MAP4K1: variants seen among roughly 807,000 people sequenced by gnomAD.
MAP4K1 encodes MAPK/ERK kinase kinase kinase 1.
In MAP4K1, 35 loss-of-function variants were observed where a neutral mutation model predicts 122.8. That is an observed-to-expected ratio of 0.29 (90% CI 0.22 to 0.38). The LOEUF is 0.38. Among genes scored for constraint, MAP4K1 ranks in the 10% least tolerant of loss-of-function variants. The pLI is 1.00. For missense variants in MAP4K1, 791 were observed against 1,072.6 expected, an observed-to-expected ratio of 0.74 and a Z score of 3.67; for synonymous variants, 412 against 421.3, an observed-to-expected ratio of 0.98 and a Z score of 0.27.
At chr19:38,600,279 A>C in intron 20 of MAP4K1, 126 bp from the exon 21 acceptor site, 1 of 753,866 alleles carries the variant, frequency 1.3e-6, no homozygotes, top group Non-Finnish European at 2.2e-6. Context: ...TCTCCAAACC[A>C]ATACTCCCAG....
chr19:38,596,009 G>T lies in MAP4K1; in HGVS notation c.2117-8C>A, dbSNP rs1172240981. 6 of 1,613,636 alleles carry T rather than the reference G, an allele frequency of 3.7e-6. No homozygotes were observed. The highest frequency in any genetic ancestry group is 3.3e-5 in the South Asian group (3 of 91,070). On this transcript the variant is annotated splice_region_variant and splice_polypyrimidine_tract_variant and intron_variant, in intron 26 of 30. Coordinates refer to ENST00000396857, the MANE Select transcript of MAP4K1 (RefSeq NM_001042600.3). Reference sequence around the variant, plus strand: ...GCACGGGTCCCCTGTGCTCTGTTTGGGGGGAGTGGGTTAAGGATTGACCCC... The same window carrying T: ...GCACGGGTCCCCTGTGCTCTGTTTGTGGGGAGTGGGTTAAGGATTGACCCC...
chr19:38,598,693 T>C (rs557686883), intron 22 of MAP4K1, among the ~76,000 whole-genome samples: 27 of 152,248 alleles, frequency 1.8e-4, no homozygotes, highest in African/African-American at 5.1e-4. Flanking sequence ...AAGTTCTGAT[T>C]GTCATCTGAA....
Position 38,605,685 on chromosome 19 carries a change from C to G in MAP4K1, c.1246G>C (p.Asp416His), listed in dbSNP as rs748934050. 6 of 1,606,924 alleles carry G rather than the reference C, an allele frequency of 3.7e-6. No individual in the cohort carries two copies. In the South Asian group the frequency reaches 6.6e-5, roughly 18 times the overall value. ...PSDEGPGSMG[D>H]DGQLSPGVLV... ...ACCCCCGGGCTCAGCTGCCCATCAT[C>G]CCCCATGCTCCCAGGACCCTCGTCT... Residue 416 changes from aspartate (D) to histidine (H), a missense_variant, in exon 18 of 31, where the codon GAT becomes CAT. Around this residue, in one of 4 missense-constraint regions of MAP4K1, gnomAD observed 303 missense variants for 344.8 expected, o/e 0.88. Transcript: ENST00000396857.
intron 22 of MAP4K1, among the ~76,000 whole-genome samples, chr19:38,598,167 A>T (rs1234712102): frequency 2.0e-5 from 3 of 151,648 alleles, no homozygotes; most frequent in African/African-American, 7.3e-5. Context: ...AGTAGCTGGG[A>T]GTAGAGGTAT....
At chr19:38,612,950 G>T (rs184903459) in intron 8 of MAP4K1, among the ~76,000 whole-genome samples, 104 of 152,258 alleles carry the variant, frequency 6.8e-4, no homozygotes, top group African/African-American at 2.4e-3. Flanking sequence ...CCAGCACTTT[G>T]GGAGGCTGAG....
At chr19:38,605,780 G>A in intron 17 of MAP4K1, 50 bp from the exon 18 acceptor site, 1 of 1,559,528 alleles carries the variant, frequency 6.4e-7, no homozygotes. Flanking sequence ...TGATCTCAGA[G>A]AGGGCACCCT....
At position 38,587,804 on chromosome 19, in the gene MAP4K1, C is replaced by T; in HGVS notation, c.2410G>A (p.Glu804Lys). ...LLGSPRPVVV[E>K]TRPVDDPTAP... ...GTAGGATCATCCACTGGGCGTGTCT[C>T]CACCACTACAGGCCTGTGGAAGGAA... The change falls in exon 31 of 31, where the codon GAG becomes AAG. Residue 804 changes from glutamate to lysine, a missense_variant. Physicochemically the swap from Glu to Lys is moderately conservative, Grantham distance 56 (BLOSUM62 1). Around this residue, in one of 4 missense-constraint regions of MAP4K1, gnomAD observed 267 missense variants for 323.0 expected, o/e 0.83. Transcript: ENST00000396857. 1 of 1,613,758 alleles carries T rather than the reference C, an allele frequency of 6.2e-7. No homozygotes were observed. The highest frequency in any genetic ancestry group is 8.5e-7 in the Non-Finnish European group (1 of 1,179,672).
intron 30 of MAP4K1, among the ~76,000 whole-genome samples, chr19:38,589,004 G>A (rs1239810056): frequency 6.6e-6 from 1 of 152,058 alleles, no homozygotes; most frequent in East Asian, 1.9e-4. Flanking sequence ...AAAGAAAGAA[G>A]AATGGAGAAG....
chr19:38,605,908 C>T (rs1337831233), intron 17 of MAP4K1, among the ~76,000 whole-genome samples, 178 bp from the exon 18 acceptor site: 1 of 151,566 alleles, frequency 6.6e-6, no homozygotes, highest in Non-Finnish European at 1.5e-5. Context: ...TGGACATCAA[C>T]ACACTTCAGA....
intron 11 of MAP4K1, among the ~76,000 whole-genome samples, chr19:38,610,804 G>T (rs1395809332): frequency 6.6e-6 from 1 of 152,088 alleles, no homozygotes; most frequent in Admixed American, 6.6e-5. Flanking sequence ...GATTCAAGAG[G>T]ACACTCAGGA....
rs762602686 is a variant in MAP4K1 at position 38,610,016 on chromosome 19, C to T, written c.820G>A (p.Val274Ile). ...CCTCGATTCAGCCCAGGCTGGGATA[C>T]CAGTTGATGCTGGCGGAGGGAAGAG... ...SATKMLSHQLVSQPGLNRGLI... is the reference protein window; with the variant it reads ...SATKMLSHQLISQPGLNRGLI... Residue 274 changes from valine to isoleucine, a missense_variant, in exon 12 of 31, where the codon GTA becomes ATA. Val to Ile is a conservative substitution (Grantham distance 29). Around this residue, in one of 4 missense-constraint regions of MAP4K1, gnomAD observed 303 missense variants for 344.8 expected, o/e 0.88. Transcript: ENST00000396857. 3 of 1,612,358 alleles carry T rather than the reference C, an allele frequency of 1.9e-6. No individual in the cohort carries two copies. The highest frequency in any genetic ancestry group is 1.7e-4 in the Middle Eastern group (1 of 6,060).
At chr19:38,602,483 CATATACATAT>C (rs1240927006) in intron 19 of MAP4K1, among the ~76,000 whole-genome samples, 8 of 149,664 alleles carry the variant, frequency 5.3e-5, no homozygotes, top group Non-Finnish European at 1.2e-4. Context: ...TATATACACA[CATATACATAT>C]ATACATATAT....
rs1975177498 is a variant in MAP4K1, at chr19:38,603,079, T to TACACATATACATATATAC, written c.1447-1555_1447-1554insGTATATATGTATATGTGT. On this transcript the variant is annotated intron_variant, in intron 19 of 30. Transcript: ENST00000396857. ...ATATACATATACACATATACATATA[T>TACACATATACATATATAC]ACACATGTACATATATACACATGTA... Among the ~76,000 whole-genome samples, 20 of 101,642 alleles carry TACACATATACATATATAC rather than the reference T, an allele frequency of 2.0e-4. 1 individual carries two copies. The highest frequency in any genetic ancestry group is 7.8e-4 in the African/African-American group (20 of 25,568). 66.7% of individuals were successfully genotyped at this position (101,642 alleles called of 152,430 possible).
At chr19:38,592,919 A>ATAAG (rs1974770032) in intron 30 of MAP4K1, among the ~76,000 whole-genome samples, 1 of 144,024 alleles carries the variant, frequency 6.9e-6, no homozygotes, top group African/African-American at 2.8e-5. Context: ...CTCCATCTCA[A>ATAAG]TAAATAAATA....
At chr19:38,602,750 GTACATATATACGCATA>G (rs1178813042) in intron 19 of MAP4K1, among the ~76,000 whole-genome samples, 6 of 116,090 alleles carry the variant, frequency 5.2e-5, no homozygotes, top group African/African-American at 1.3e-4. Flanking sequence ...ATATACACAT[GTACATATATACGCATA>G]TACATATATA....
At position 38,597,586 on chromosome 19, in the gene MAP4K1, G is replaced by A. The variant is rs771588634; in HGVS notation, c.1678C>T (p.Pro560Ser). Reference protein sequence around the residue: ...NVLMSLSGKTPHLYSHSILGL... With the variant: ...NVLMSLSGKTSHLYSHSILGL... ...AGGATGCTATGAGAATACAGGTGGG[G>A]GGTCTTTCCTGCAGGGTGTGTGTAT... Residue 560 changes from proline (P) to serine (S), a missense_variant, in exon 23 of 31, where the codon CCC becomes TCC. By Grantham distance (74) the Pro-to-Ser change is moderately conservative. Coordinates refer to ENST00000396857, the MANE Select transcript of MAP4K1 (RefSeq NM_001042600.3). The surrounding 1 kb of genome is among the most constrained non-coding windows in gnomAD (Gnocchi z 4.6). The A allele has an allele frequency of 6.2e-7, 1 of 1,611,166 alleles. No homozygotes were observed. The highest frequency in any genetic ancestry group is 2.2e-5 in the East Asian group (1 of 44,860).
At position 38,617,508 on chromosome 19, in the gene MAP4K1, C is replaced by A; in HGVS notation, c.157+60G>T. ...GGAGAGAGCTACAGGGGAGGTGATC[C>A]CAGTGTCCCAGGAGGCGAAGGTGGG... On this transcript the variant is annotated intron_variant, in intron 2 of 30. Coordinates refer to ENST00000396857, the MANE Select transcript of MAP4K1 (RefSeq NM_001042600.3). This position sits in a 1 kb window ranked among gnomAD's most constrained non-coding sequence, Gnocchi z 4.1. The A allele has an allele frequency of 6.2e-7, 1 of 1,608,528 alleles. No individual in the cohort carries two copies. The highest frequency in any genetic ancestry group is 1.1e-5 in the South Asian group (1 of 90,936).
chr19:38,587,714 T>C lies in MAP4K1; in HGVS notation c.*34A>G, dbSNP rs373009414. ...ACTAGTGTGTCTATGGGGGAGGGGG[T>C]GCAAGGACTAGTTCCTGACACCCCC... On this transcript the variant is annotated 3_prime_UTR_variant, in exon 31 of 31. Transcript: ENST00000396857. 1.0e-4 allele frequency: 156 copies of C among 1,527,166 alleles called. No individual in the cohort carries two copies. The highest frequency in any genetic ancestry group is 1.4e-4 in the Non-Finnish European group (149 of 1,102,020). The allele number at this position is 1,527,166 out of a possible 1,614,324, so 94.6% of individuals were successfully genotyped here. A position where few individuals can be genotyped will look rare whatever the true frequency, so the allele number is the denominator to read the frequency against.
chr19:38,593,247 T>G (rs1157940870), intron 30 of MAP4K1, 35 bp downstream of exon 30: 1 of 1,596,932 alleles, frequency 6.3e-7, no homozygotes, highest in East Asian at 2.2e-5. Context: ...AGAAGCCCCC[T>G]CCCAGGTCCT....
Sources: gnomAD v4.1 joint callset for allele counts (sites outside exome capture counted in the v4.1 genomes callset) on GRCh38, gnomAD v4.1.1 for gene constraint, gnomAD v4.1.1 regional missense constraint, Gnocchi (gnomAD v3.1) non-coding constraint, MANE v1.5 for transcripts, NCBI Gene and HGNC (gene_info 2026-07-23, HGNC 2026-07-21) for gene names.